SNRPE: variants seen among roughly 807,000 people sequenced by gnomAD.
The protein encoded by SNRPE is small nuclear ribonucleoprotein polypeptide E.
For synonymous variants in SNRPE, 35 were observed against 36.7 expected, an observed-to-expected ratio of 0.95 and a Z score of 0.17; for missense variants, 53 against 111.6, an observed-to-expected ratio of 0.48 and a Z score of 2.36.
rs1215634871 is a variant in SNRPE at position 203,868,969 on chromosome 1, G to A, written c.224-908G>A. ...TAGGTGTGAGCCACCATACCCAGCC[G>A]GGTTTTTTAGATTTAAAGATGTCTT... is the stretch of plus-strand genomic sequence containing the variant. On this transcript the variant is annotated intron_variant, in intron 4 of 4. Transcript: ENST00000414487. Among the ~76,000 whole-genome samples the A allele has an allele frequency of 4.6e-5, 7 of 152,202 alleles. No individual in the cohort carries two copies. In the East Asian group the frequency reaches 1.2e-3, roughly 25 times the overall value.
intron 4 of SNRPE, among the ~76,000 whole-genome samples, chr1:203,867,729 C>T (rs567282872): frequency 1.3e-5 from 2 of 152,276 alleles, no homozygotes; most frequent in South Asian, 2.1e-4. Flanking sequence ...TCCGCCACCT[C>T]GCCCACTGCT....
chr1:203,870,048 T>G lies in SNRPE; in HGVS notation c.*116T>G, dbSNP rs1804443. ...TGATTACCCTCGTGTTACTACAAGA[T>G]GGCAATAAATACTATGGGATTGTTT... On this transcript the variant is annotated 3_prime_UTR_variant, in exon 5 of 5. Coordinates refer to ENST00000414487, the MANE Select transcript of SNRPE (RefSeq NM_003094.4). 4 of 608,888 alleles carry G rather than the reference T, an allele frequency of 6.6e-6. No homozygotes were observed. The highest frequency in any genetic ancestry group is 1.1e-5 in the Non-Finnish European group (4 of 358,538). The allele number at this position is 608,888 out of a possible 1,614,324, so 37.7% of individuals were successfully genotyped here.
intron 3 of SNRPE, among the ~76,000 whole-genome samples, 160 bp from the exon 4 acceptor site, chr1:203,864,876 CAAAAA>C (rs61506397): frequency 8.4e-5 from 10 of 119,290 alleles, no homozygotes; most frequent in Non-Finnish European, 1.2e-4. Flanking sequence ...GATCCTTTCT[CAAAAA>C]AAAAAAAAAA....
chr1:203,866,934 T>C (rs1181718937), intron 4 of SNRPE, among the ~76,000 whole-genome samples: 1 of 138,082 alleles, frequency 7.2e-6, no homozygotes, highest in Non-Finnish European at 1.6e-5. Flanking sequence ...ATGATATTCC[T>C]TGTGTCTGTA....
Position 203,865,022 on chromosome 1 carries a change from A to G in SNRPE, c.145-19A>G, listed in dbSNP as rs753571096. ...GAATGTGATTTTCTTTGAAGATAAC[A>G]GTTTGTTTATTTTTCTAGGGTTTTG... On this transcript the variant is annotated intron_variant, in intron 3 of 4. Transcript: ENST00000414487. 1 of 1,602,542 alleles carries G rather than the reference A, an allele frequency of 6.2e-7. No individual in the cohort carries two copies. The highest frequency in any genetic ancestry group is 8.5e-7 in the Non-Finnish European group (1 of 1,175,310).
chr1:203,863,465 G>T (rs896560501), intron 2 of SNRPE, among the ~76,000 whole-genome samples, 198 bp from the exon 3 acceptor site: 1 of 152,102 alleles, frequency 6.6e-6, no homozygotes, highest in African/African-American at 2.4e-5. Context: ...CTACAGGCGT[G>T]CGCCACCACG....
intron 3 of SNRPE, among the ~76,000 whole-genome samples, chr1:203,864,266 T>G (rs1034114173): frequency 1.3e-5 from 2 of 151,974 alleles, no homozygotes; most frequent in Non-Finnish European, 2.9e-5. Flanking sequence ...AAATTAACTT[T>G]TAAAAATTAT....
rs1690204925 is a variant in SNRPE at position 203,871,027 on chromosome 1, G to A, written c.*1095G>A. Reference sequence around the variant, plus strand: ...AAAAGAAATCCTTTCCGAGATAGAGGAGATTTGTAGGTGAATGCAGAAGTG... The same window carrying A: ...AAAAGAAATCCTTTCCGAGATAGAGAAGATTTGTAGGTGAATGCAGAAGTG... On this transcript the variant is annotated 3_prime_UTR_variant, in exon 5 of 5. Transcript: ENST00000414487. Among the ~76,000 whole-genome samples the A allele has an allele frequency of 6.6e-6, 1 of 152,232 alleles. No individual in the cohort carries two copies. Among genetic ancestry groups the A allele is most frequent in the Admixed American group, 6.5e-5 (1 of 15,284 alleles).
intron 1 of SNRPE, 50 bp downstream of exon 1, chr1:203,861,763 G>C (rs1459304328): frequency 3.7e-6 from 5 of 1,354,668 alleles, no homozygotes; most frequent in Non-Finnish European, 4.2e-6. Context: ...AGAATACGGG[G>C]TGCGAAGGCG....
At chr1:203,866,354 A>AC (rs1293536712) in intron 4 of SNRPE, among the ~76,000 whole-genome samples, 2 of 152,070 alleles carry the variant, frequency 1.3e-5, no homozygotes, top group Non-Finnish European at 2.9e-5. Flanking sequence ...CATTCTTGGG[A>AC]CCCAATCACT....
chr1:203,863,442 C>G (rs183940488), intron 2 of SNRPE, among the ~76,000 whole-genome samples: 1 of 152,070 alleles, frequency 6.6e-6, no homozygotes, highest in East Asian at 1.9e-4. Context: ...TTCAGCGTCC[C>G]GAGTAGCTGG....
chr1:203,865,592 C>T (rs1034529539), intron 4 of SNRPE, among the ~76,000 whole-genome samples: 4 of 152,046 alleles, frequency 2.6e-5, no homozygotes, highest in East Asian at 1.9e-4. Flanking sequence ...AGCTCAGAGT[C>T]GTCAAGTTCA....
intron 2 of SNRPE, among the ~76,000 whole-genome samples, chr1:203,862,772 TCAGGTGATAATA>T (rs1462231798): frequency 6.6e-6 from 1 of 152,236 alleles, no homozygotes; most frequent in Non-Finnish European, 1.5e-5. Context: ...AACATTAATT[TCAGGTGATAATA>T]ATTCTTAACC....
At chr1:203,864,887 A>AT (rs1690056205) in intron 3 of SNRPE, among the ~76,000 whole-genome samples, 154 bp from the exon 4 acceptor site, 3 of 36,640 alleles carry the variant, frequency 8.2e-5, no homozygotes, top group African/African-American at 3.1e-4. Context: ...AAAAAAAAAA[A>AT]AAAAAAAAAA....
At position 203,870,387 on chromosome 1, in the gene SNRPE, A is replaced by G. The variant is rs75335430; in HGVS notation, c.*455A>G. The G allele has an allele frequency of 0.021, 3,182 of 154,304 alleles. 109 individuals carry two copies. Among genetic ancestry groups the G allele is most frequent in the African/African-American group, 0.07 (2,916 of 41,580 alleles). The allele number at this position is 154,304 out of a possible 1,614,324, so 9.6% of individuals were successfully genotyped here. On this transcript the variant is annotated 3_prime_UTR_variant, in exon 5 of 5. Transcript: ENST00000414487. ...TTTCTAACCTAAATATGTTGGGTAC[A>G]TTATTTAATGGGGTCAGTATTGCTC...
chr1:203,870,273 A>C lies in SNRPE; in HGVS notation c.*341A>C, dbSNP rs1452009286. 5.1e-6 allele frequency: 1 copy of C among 196,144 alleles called. No homozygotes were observed. The highest frequency in any genetic ancestry group is 1.0e-5 in the Non-Finnish European group (1 of 97,442). The allele number at this position is 196,144 out of a possible 1,614,324, so 12.2% of individuals were successfully genotyped here. A position where few individuals can be genotyped will look rare whatever the true frequency, so the allele number is the denominator to read the frequency against. On this transcript the variant is annotated 3_prime_UTR_variant, in exon 5 of 5. Coordinates refer to ENST00000414487, the MANE Select transcript of SNRPE (RefSeq NM_003094.4). ...GTAAGCTTCCAGTATTGGGAGGTGG[A>C]GAAGGGGAGGGTTCAGAAAAATAAA...
Position 203,862,374 on chromosome 1 carries a change from A to C in SNRPE, c.81+152A>C, listed in dbSNP as rs1029887198. 10 of 654,938 alleles carry C rather than the reference A, an allele frequency of 1.5e-5. No homozygotes were observed. In the African/African-American group the frequency reaches 1.6e-4, roughly 11 times the overall value. The allele number at this position is 654,938 out of a possible 1,614,324, so 40.6% of individuals were successfully genotyped here. A position where few individuals can be genotyped will look rare whatever the true frequency, so the allele number is the denominator to read the frequency against. ...TAATTGAGGGGAAGGAGTACTTAGAAAGCACTAATGTGATGAAGTGGTGTG... is the reference window on the plus strand; with the variant it reads ...TAATTGAGGGGAAGGAGTACTTAGACAGCACTAATGTGATGAAGTGGTGTG... On this transcript the variant is annotated intron_variant, in intron 2 of 4. Coordinates refer to ENST00000414487, the MANE Select transcript of SNRPE (RefSeq NM_003094.4).
intron 4 of SNRPE, among the ~76,000 whole-genome samples, chr1:203,865,783 G>A (rs1382979732): frequency 7.2e-5 from 11 of 152,190 alleles, no homozygotes; most frequent in Admixed American, 7.2e-4. Context: ...CCCTCCGTTG[G>A]TTTGATTAAT....
chr1:203,861,849 G>T, intron 1 of SNRPE, 136 bp downstream of exon 1: 1 of 744,430 alleles, frequency 1.3e-6, no homozygotes, highest in East Asian at 2.6e-5. Flanking sequence ...AAGACTGGAA[G>T]AAAGCGCGGG....
Sources: allele counts gnomAD v4.1 joint callset (sites outside exome capture counted in the v4.1 genomes callset), GRCh38; gene constraint gnomAD v4.1.1; transcripts MANE v1.5; gene names NCBI Gene and HGNC (gene_info 2026-07-23, HGNC 2026-07-21).